The following VGLL4 variants were observed in gnomAD, a reference collection of about 807,000 sequenced individuals.
VGLL4 encodes the protein vestigial like family member 4.
VGLL4 carries 7 observed loss-of-function variants against 21.0 expected under a neutral mutation model. That is an observed-to-expected ratio of 0.33 (90% CI 0.19 to 0.63). The LOEUF is 0.63. Among genes scored for constraint, VGLL4 ranks in the 20% least tolerant of loss-of-function variants. The probability of loss-of-function intolerance (pLI) is 0.78; values close to 1 mark genes in which losing one functional copy is unlikely to be tolerated. For synonymous variants in VGLL4, 222 were observed against 173.2 expected (o/e 1.28, Z -2.21); for missense variants, 394 against 425.7 (o/e 0.93, Z 0.66).
chr3:11,708,361 G>A (rs2076791112), intron 1 of VGLL4, among the ~76,000 whole-genome samples: 1 of 152,204 alleles, frequency 6.6e-6, no homozygotes, highest in African/African-American at 2.4e-5. Context: ...AGAATGAGAA[G>A]AATTAGACCC....
chr3:11,655,124 G>A (rs1211028751), intron 2 of VGLL4, among the ~76,000 whole-genome samples: 1 of 152,182 alleles, frequency 6.6e-6, no homozygotes, highest in Non-Finnish European at 1.5e-5. Context: ...CAATCACCCA[G>A]GAGGTTTTGA....
intron 2 of VGLL4, among the ~76,000 whole-genome samples, chr3:11,583,869 G>C (rs9845376): frequency 0.3 from 46,101 of 152,154 alleles, 7,080 homozygotes; most frequent in South Asian, 0.37. Context: ...CCCAACCCAG[G>C]AGGCCCTCAG....
rs377059638 is a variant in VGLL4, at chr3:11,637,224, C to T, written c.82+6213G>A. ...TATTTCTTGACCTGGCCATAGTCAC[C>T]GGGTTGTTCATTTCTCTAACCATAA... On this transcript the variant is annotated intron_variant, in intron 1 of 4. Transcript: ENST00000430365. Among the ~76,000 whole-genome samples the T allele has an allele frequency of 2.6e-4, 39 of 152,210 alleles. 1 individual carries two copies. In the South Asian group the frequency reaches 7.5e-3, roughly 29 times the overall value.
At chr3:11,707,286 C>T (rs1289427702) in intron 1 of VGLL4, among the ~76,000 whole-genome samples, 1 of 145,388 alleles carries the variant, frequency 6.9e-6, no homozygotes, top group African/African-American at 2.6e-5. Context: ...CGTAATTGCA[C>T]CACTGCACTC....
At chr3:11,680,893 T>C (rs2076358926) in intron 2 of VGLL4, among the ~76,000 whole-genome samples, 1 of 152,094 alleles carries the variant, frequency 6.6e-6, no homozygotes, top group African/African-American at 2.4e-5. Flanking sequence ...GATGAGTATC[T>C]GTTGAGTGAA....
chr3:11,664,695 A>G (rs1270948161), intron 2 of VGLL4, among the ~76,000 whole-genome samples: 1 of 152,140 alleles, frequency 6.6e-6, no homozygotes, highest in African/African-American at 2.4e-5. Context: ...TACATTCTTG[A>G]ATATTCCGGA....
intron 2 of VGLL4, among the ~76,000 whole-genome samples, chr3:11,596,759 T>C (rs1306445682): frequency 6.6e-6 from 1 of 152,194 alleles, no homozygotes; most frequent in Non-Finnish European, 1.5e-5. Flanking sequence ...ATTTTTAATT[T>C]TAATTTAAAA....
chr3:11,654,728 A>G (rs2075930766), intron 2 of VGLL4, among the ~76,000 whole-genome samples: 1 of 152,176 alleles, frequency 6.6e-6, no homozygotes, highest in African/African-American at 2.4e-5. Context: ...TCTATGCCCA[A>G]TACCTGTAAG....
chr3:11,671,495 G>T (rs1161542347), intron 2 of VGLL4: 5 of 649,210 alleles, frequency 7.7e-6, no homozygotes, highest in Non-Finnish European at 1.4e-5. Context: ...AAAAATCCAT[G>T]CATACTCAAG....
At chr3:11,610,797 C>A (rs1489018464) in intron 1 of VGLL4, 7 of 152,224 alleles carry the variant, frequency 4.6e-5, no homozygotes, top group African/African-American at 1.7e-4. Context: ...TCATTTCATA[C>A]ACACTATACT....
At chr3:11,707,845 T>TG (rs2076784401) in intron 1 of VGLL4, among the ~76,000 whole-genome samples, 1 of 152,074 alleles carries the variant, frequency 6.6e-6, no homozygotes, top group Non-Finnish European at 1.5e-5. Context: ...AGTGACAGGG[T>TG]GAGACCCCAT....
chr3:11,635,807 A>G (rs76975103), intron 1 of VGLL4, among the ~76,000 whole-genome samples: 1,867 of 152,336 alleles, frequency 0.012, 22 homozygotes, highest in Non-Finnish European at 0.018. Context: ...AATGACAGCT[A>G]TTTTCCATTC....
Position 11,558,740 on chromosome 3 carries a change from G to A in VGLL4, c.707C>T (p.Ser236Phe), listed in dbSNP as rs759096080. 6.2e-7 allele frequency: 1 copy of A among 1,614,228 alleles called. No individual in the cohort carries two copies. The change falls in exon 5 of 5, where the codon TCC becomes TTC. Residue 236 changes from serine (S) to phenylalanine (F), a missense_variant. Physicochemically the swap from Ser to Phe is radical, Grantham distance 155. Coordinates refer to ENST00000430365, the MANE Select transcript of VGLL4 (RefSeq NM_001128219.3). ...GTCCACGGAGCCCGTGATGGACACG[G>A]AGTTGGGTGCCGGCTCGGGCTCCTT... ...NYKEPEPAPN[S>F]VSITGSVDDH... is the part of the protein sequence containing the mutation.
At chr3:11,673,752 G>A (rs1318806962) in intron 2 of VGLL4, among the ~76,000 whole-genome samples, 2 of 152,060 alleles carry the variant, frequency 1.3e-5, no homozygotes, top group East Asian at 1.9e-4. Flanking sequence ...GGTGGCTCAC[G>A]CATGTAATCC....
chr3:11,584,922 A>T (rs1307541696), intron 2 of VGLL4, among the ~76,000 whole-genome samples: 1 of 151,938 alleles, frequency 6.6e-6, no homozygotes, highest in African/African-American at 2.4e-5. Flanking sequence ...GCACCCAGGG[A>T]TCCACCACCA....
At chr3:11,654,157 C>G (rs1455022602) in intron 2 of VGLL4, among the ~76,000 whole-genome samples, 1 of 152,078 alleles carries the variant, frequency 6.6e-6, no homozygotes, top group East Asian at 1.9e-4. Flanking sequence ...AAACCCAAAT[C>G]AAGCAAATCA....
At chr3:11,657,076 C>T (rs1198107091) in intron 2 of VGLL4, among the ~76,000 whole-genome samples, 6 of 152,188 alleles carry the variant, frequency 3.9e-5, no homozygotes, top group East Asian at 3.9e-4. Flanking sequence ...AAAAAGAGCA[C>T]TGGATACAGA....
intron 1 of VGLL4, among the ~76,000 whole-genome samples, chr3:11,629,990 AAG>A (rs1285081291): frequency 1.3e-4 from 20 of 152,146 alleles, no homozygotes; most frequent in African/African-American, 4.3e-4. Flanking sequence ...GTTCTCAAAA[AAG>A]AGTCTTCTGT....
At chr3:11,640,458 T>C (rs562866782) in intron 1 of VGLL4, among the ~76,000 whole-genome samples, 1 of 152,236 alleles carries the variant, frequency 6.6e-6, no homozygotes, top group South Asian at 2.1e-4. Context: ...AATTGCTGAG[T>C]ACGGTAGTAA....
Sources: allele counts gnomAD v4.1 joint callset (sites outside exome capture counted in the v4.1 genomes callset), GRCh38; gene constraint gnomAD v4.1.1; transcripts MANE v1.5; gene names NCBI Gene and HGNC (gene_info 2026-07-23, HGNC 2026-07-21).